Variants in SPATA16 observed in about 807,000 individuals in gnomAD.
SPATA16 encodes spermatogenesis associated 16, also known as spermatogenesis-associated protein 16.
Under a neutral mutation model 63.3 loss-of-function variants are expected in SPATA16, and 36 were observed. That is an observed-to-expected ratio of 0.57 (90% CI 0.44 to 0.75). SPATA16 has a LOEUF of 0.75. Among genes scored for constraint, SPATA16 ranks in the 30% least tolerant of loss-of-function variants. The pLI, the probability that SPATA16 is intolerant of heterozygous loss-of-function variation, is 0.00. For missense variants in SPATA16, 646 were observed against 679.3 expected (o/e 0.95, Z 0.54); for synonymous variants, 203 against 216.7 (o/e 0.94, Z 0.56).
At chr3:173,032,409 A>T (rs1383074670) in intron 3 of SPATA16, among the ~76,000 whole-genome samples, 1 of 152,122 alleles carries the variant, frequency 6.6e-6, no homozygotes, top group Non-Finnish European at 1.5e-5. Context: ...ATGAAAACAC[A>T]TTAAAAATCA....
intron 4 of SPATA16, among the ~76,000 whole-genome samples, chr3:172,981,537 G>T (rs1196628460): frequency 1.3e-5 from 2 of 151,734 alleles, no homozygotes; most frequent in Non-Finnish European, 2.9e-5. Context: ...GTTGCTTCTG[G>T]GATTTTGCAC....
At chr3:172,967,563 C>A (rs1733943981) in intron 5 of SPATA16, among the ~76,000 whole-genome samples, 1 of 152,122 alleles carries the variant, frequency 6.6e-6, no homozygotes, top group Non-Finnish European at 1.5e-5. Flanking sequence ...TGGTTACAGC[C>A]TACTATAGCT....
intron 5 of SPATA16, among the ~76,000 whole-genome samples, chr3:172,962,197 G>A (rs1281407341): frequency 7.3e-6 from 1 of 136,530 alleles, no homozygotes; most frequent in Non-Finnish European, 1.5e-5. Flanking sequence ...AGGTTGCAGT[G>A]AGCAGAGATT....
intron 2 of SPATA16, among the ~76,000 whole-genome samples, chr3:173,076,942 A>G (rs1311269653): frequency 6.6e-6 from 1 of 152,106 alleles, no homozygotes; most frequent in Admixed American, 6.6e-5. Context: ...GTTTCTGAAG[A>G]GCATGTGAAT....
intron 6 of SPATA16, among the ~76,000 whole-genome samples, chr3:172,942,006 G>T (rs1442954335): frequency 3.9e-5 from 6 of 152,156 alleles, no homozygotes; most frequent in Admixed American, 1.3e-4. Context: ...ATGAATAAAA[G>T]AAATCTTGAA....
At chr3:172,927,822 A>G (rs71310529) in intron 6 of SPATA16, among the ~76,000 whole-genome samples, 3 of 152,192 alleles carry the variant, frequency 2.0e-5, no homozygotes, top group African/African-American at 7.2e-5. Context: ...AGAAAAGTAT[A>G]CTAAATGCTG....
chr3:173,139,846 G>A (rs1476352089), intron 1 of SPATA16, among the ~76,000 whole-genome samples: 1 of 152,128 alleles, frequency 6.6e-6, no homozygotes, highest in Admixed American at 6.5e-5. Flanking sequence ...TTAGCTGGGT[G>A]TGGTGGCGTG....
chr3:173,115,862 C>T (rs897574887), intron 2 of SPATA16, among the ~76,000 whole-genome samples: 2 of 151,944 alleles, frequency 1.3e-5, no homozygotes, highest in Non-Finnish European at 2.9e-5. Flanking sequence ...ACTCTCATCA[C>T]CCATGCTCAA....
chr3:172,992,064 T>G (rs1734590447), intron 4 of SPATA16, among the ~76,000 whole-genome samples: 1 of 152,092 alleles, frequency 6.6e-6, no homozygotes, highest in Non-Finnish European at 1.5e-5. Flanking sequence ...AACTAGTTAA[T>G]GGTATGGGCG....
intron 2 of SPATA16, among the ~76,000 whole-genome samples, chr3:173,115,370 G>A (rs1003958914): frequency 5.3e-5 from 8 of 152,192 alleles, no homozygotes; most frequent in African/African-American, 1.9e-4. Context: ...CCCTGCACCA[G>A]GAAAATAAAT....
intron 5 of SPATA16, among the ~76,000 whole-genome samples, chr3:172,976,307 T>C (rs1187848580): frequency 6.6e-6 from 1 of 152,034 alleles, no homozygotes; most frequent in African/African-American, 2.4e-5. Context: ...GAGCTCTTCA[T>C]TTTGGATATA....
chr3:173,024,249 G>T (rs892903533), intron 3 of SPATA16, among the ~76,000 whole-genome samples: 4 of 151,280 alleles, frequency 2.6e-5, no homozygotes, highest in Admixed American at 1.3e-4. Context: ...ATGATGTTTG[G>T]TTACTACTTT....
At chr3:172,912,194 G>A (rs116304317) in intron 10 of SPATA16, among the ~76,000 whole-genome samples, 2,933 of 152,210 alleles carry the variant, frequency 0.019, 30 homozygotes, top group Middle Eastern at 0.058. Context: ...TTTAAATGCT[G>A]TATAAATATC....
chr3:173,040,500 T>C (rs1031672343), intron 3 of SPATA16, among the ~76,000 whole-genome samples: 3 of 152,170 alleles, frequency 2.0e-5, no homozygotes, highest in African/African-American at 4.8e-5. Context: ...CTAAATGTTA[T>C]TATTCACAAA....
At chr3:172,986,380 C>T (rs980925782) in intron 4 of SPATA16, among the ~76,000 whole-genome samples, 2 of 151,962 alleles carry the variant, frequency 1.3e-5, no homozygotes, top group Non-Finnish European at 2.9e-5. Flanking sequence ...GATACTAAGA[C>T]GAGTCAGCCA....
At chr3:173,012,969 G>A (rs921758940) in intron 4 of SPATA16, among the ~76,000 whole-genome samples, 4 of 152,128 alleles carry the variant, frequency 2.6e-5, no homozygotes, top group Non-Finnish European at 4.4e-5. Flanking sequence ...ACCATCAACA[G>A]TGTAAACAGG....
At chr3:173,059,759 C>T (rs888415685) in intron 2 of SPATA16, among the ~76,000 whole-genome samples, 2 of 145,712 alleles carry the variant, frequency 1.4e-5, no homozygotes, top group African/African-American at 5.0e-5. Context: ...GGGGTTTGGA[C>T]ATGTTATGCA....
At chr3:173,011,632 A>C (rs1560095936) in intron 4 of SPATA16, among the ~76,000 whole-genome samples, 1 of 152,192 alleles carries the variant, frequency 6.6e-6, no homozygotes, top group Admixed American at 6.5e-5. Flanking sequence ...GAAAGAAATA[A>C]AAAGCATACA....
At chr3:172,907,396 C>T (rs1732265824) in intron 10 of SPATA16, among the ~76,000 whole-genome samples, 1 of 152,182 alleles carries the variant, frequency 6.6e-6, no homozygotes, top group Non-Finnish European at 1.5e-5. Context: ...ACTCATTTCC[C>T]TACTTCTATT....
Sources: allele counts gnomAD v4.1 joint callset (sites outside exome capture counted in the v4.1 genomes callset), GRCh38; gene constraint gnomAD v4.1.1; transcripts MANE v1.5; gene names NCBI Gene and HGNC (gene_info 2026-07-23, HGNC 2026-07-21).